CYP39A1: variants seen among roughly 807,000 people sequenced by gnomAD.
The protein encoded by CYP39A1 is 24-hydroxycholesterol 7-alpha-hydroxylase.
Under a neutral mutation model 58.1 loss-of-function variants are expected in CYP39A1, and 49 were observed. That is an observed-to-expected ratio of 0.84 (90% CI 0.67 to 1.07). The LOEUF is 1.07. Among genes scored for constraint, CYP39A1 ranks in the 50% least tolerant of loss-of-function variants. The probability of loss-of-function intolerance (pLI) is 0.00; values close to 1 mark genes in which losing one functional copy is unlikely to be tolerated. For synonymous variants in CYP39A1, 209 were observed against 187.6 expected (o/e 1.11, Z -0.93); for missense variants, 531 against 539.4 (o/e 0.98, Z 0.16).
At chr6:46,618,575 T>C (rs1317821145) in intron 7 of CYP39A1, among the ~76,000 whole-genome samples, 1 of 151,992 alleles carries the variant, frequency 6.6e-6, no homozygotes, top group Non-Finnish European at 1.5e-5. Flanking sequence ...TTTACAGAGA[T>C]CAAAAACCTA....
intron 6 of CYP39A1, among the ~76,000 whole-genome samples, chr6:46,626,020 A>C (rs1055510618): frequency 6.6e-6 from 1 of 152,084 alleles, no homozygotes; most frequent in African/African-American, 2.4e-5. Context: ...AAACTAAATT[A>C]TGAGAGTACT....
intron 7 of CYP39A1, among the ~76,000 whole-genome samples, chr6:46,619,265 T>C (rs1449359751): frequency 1.3e-5 from 2 of 152,240 alleles, no homozygotes; most frequent in South Asian, 2.1e-4. Flanking sequence ...TAGACCAAGA[T>C]ACTTATCTCT....
At position 46,601,299 on chromosome 6, in the gene CYP39A1, G is replaced by T. The variant is rs1448728204; in HGVS notation, c.932-5179C>A. Among the ~76,000 whole-genome samples the T allele has an allele frequency of 7.9e-5, 12 of 152,114 alleles. No individual in the cohort carries two copies. In the East Asian group the frequency reaches 1.2e-3, roughly 15 times the overall value. The stretch of plus-strand genomic sequence containing the variant: ...CCAAGCCGTGAATATTTCTCACCTG[G>T]TCCAGGGTGACAGCCTTCATCATGC... On this transcript the variant is annotated intron_variant, in intron 7 of 11. Transcript: ENST00000275016.
At chr6:46,611,231 A>G (rs1774195456) in intron 7 of CYP39A1, among the ~76,000 whole-genome samples, 1 of 152,256 alleles carries the variant, frequency 6.6e-6, no homozygotes, top group African/African-American at 2.4e-5. Flanking sequence ...AGATTTTATT[A>G]TCAAAGACAT....
chr6:46,557,933 C>CAAAAAAAAAAAAAAAAAAA (rs1186594398), intron 10 of CYP39A1, among the ~76,000 whole-genome samples: 2 of 37,628 alleles, frequency 5.3e-5, no homozygotes, highest in East Asian at 7.0e-4. Flanking sequence ...GACTCCATCT[C>CAAAAAAAAAAAAAAAAAAA]AAAAAAAAAA....
intron 8 of CYP39A1, among the ~76,000 whole-genome samples, chr6:46,590,082 G>C (rs775181346): frequency 3.3e-5 from 5 of 152,178 alleles, no homozygotes; most frequent in South Asian, 2.1e-4. Context: ...GTTCTGTCAA[G>C]AAACCCTCTG....
intron 5 of CYP39A1, 53 bp downstream of exon 5, chr6:46,636,336 C>T (rs142939312): frequency 1.5e-6 from 2 of 1,338,502 alleles, no homozygotes; most frequent in East Asian, 2.4e-5. Flanking sequence ...ATTTTAACAA[C>T]AATAATTTAT....
intron 10 of CYP39A1, among the ~76,000 whole-genome samples, chr6:46,570,126 A>G (rs932453031): frequency 6.6e-6 from 1 of 152,036 alleles, no homozygotes; most frequent in African/African-American, 2.4e-5. Context: ...TTTCTAGGTT[A>G]TCTAACTGGT....
intron 8 of CYP39A1, among the ~76,000 whole-genome samples, chr6:46,593,424 T>C (rs1208045811): frequency 5.9e-5 from 9 of 152,090 alleles, no homozygotes; most frequent in African/African-American, 1.9e-4. Context: ...ACTTGTAGGT[T>C]GTAGTGAGCT....
intron 7 of CYP39A1, among the ~76,000 whole-genome samples, chr6:46,599,315 G>C (rs1773352738): frequency 6.6e-6 from 1 of 152,230 alleles, no homozygotes; most frequent in South Asian, 2.1e-4. Context: ...TGACCAGACG[G>C]GGGAGGGAGG....
At chr6:46,567,011 A>C (rs1422338205) in intron 10 of CYP39A1, among the ~76,000 whole-genome samples, 1 of 152,080 alleles carries the variant, frequency 6.6e-6, no homozygotes, top group African/African-American at 2.4e-5. Flanking sequence ...AGAAAATTTA[A>C]GATCTGTTCT....
At chr6:46,598,997 A>G (rs1773334112) in intron 7 of CYP39A1, among the ~76,000 whole-genome samples, 1 of 152,182 alleles carries the variant, frequency 6.6e-6, no homozygotes. Flanking sequence ...CTTTTACTCC[A>G]TAGCTAATAA....
intron 1 of CYP39A1, among the ~76,000 whole-genome samples, chr6:46,645,546 C>G (rs1313621189): frequency 6.6e-6 from 1 of 152,154 alleles, no homozygotes; most frequent in African/African-American, 2.4e-5. Context: ...TGTGTCTATC[C>G]TTCTGCCAGT....
intron 1 of CYP39A1, among the ~76,000 whole-genome samples, chr6:46,647,741 T>A (rs1205683379): frequency 6.6e-6 from 1 of 152,234 alleles, no homozygotes; most frequent in African/African-American, 2.4e-5. Flanking sequence ...ATGATGAGCA[T>A]TTTTTCATCT....
At chr6:46,592,592 G>A (rs1410937181) in intron 8 of CYP39A1, among the ~76,000 whole-genome samples, 1 of 152,170 alleles carries the variant, frequency 6.6e-6, no homozygotes, top group African/African-American at 2.4e-5. Context: ...GTTTAAAAAT[G>A]TATACTATAT....
chr6:46,572,709 C>G (rs1771653977), intron 10 of CYP39A1, among the ~76,000 whole-genome samples: 1 of 152,132 alleles, frequency 6.6e-6, no homozygotes, highest in South Asian at 2.1e-4. Context: ...ATATCTCTCT[C>G]AGGGTTCGGG....
chr6:46,650,137 CACAT>C (rs1272096649), intron 1 of CYP39A1, among the ~76,000 whole-genome samples: 5 of 151,096 alleles, frequency 3.3e-5, no homozygotes, highest in African/African-American at 1.2e-4. Flanking sequence ...CACACACACA[CACAT>C]ACACACATAC....
At chr6:46,645,195 G>A (rs546478532) in intron 1 of CYP39A1, among the ~76,000 whole-genome samples, 2 of 152,226 alleles carry the variant, frequency 1.3e-5, no homozygotes, top group African/African-American at 2.4e-5. Context: ...TTGGTGTCAA[G>A]TCTAAGAGCT....
chr6:46,571,361 C>A (rs1771575940), intron 10 of CYP39A1, among the ~76,000 whole-genome samples: 1 of 151,984 alleles, frequency 6.6e-6, no homozygotes, highest in Non-Finnish European at 1.5e-5. Context: ...ATTTATTTAT[C>A]CCTTCAGTTC....
Sources: gnomAD v4.1 joint callset for allele counts (sites outside exome capture counted in the v4.1 genomes callset) on GRCh38, gnomAD v4.1.1 for gene constraint, MANE v1.5 for transcripts, NCBI Gene and HGNC (gene_info 2026-07-23, HGNC 2026-07-21) for gene names.